Variants in USP40 observed in about 807,000 individuals in gnomAD.
The protein encoded by USP40 is ubiquitin carboxyl-terminal hydrolase 40.
A neutral mutation model predicts 166.2 loss-of-function variants in USP40; 143 were observed. The ratio of observed to expected loss-of-function variants is 0.86; its 90% CI spans 0.75 to 0.99. USP40 has a LOEUF of 0.99. Among genes scored for constraint, USP40 ranks in the 50% least tolerant of loss-of-function variants. The pLI is 0.00. For missense variants in USP40, 1,444 were observed against 1,479.7 expected, an observed-to-expected ratio of 0.98 and a Z score of 0.40; for synonymous variants, 498 against 524.0, an observed-to-expected ratio of 0.95 and a Z score of 0.68.
chr2:233,514,366 G>A (rs1437822548), intron 18 of USP40, among the ~76,000 whole-genome samples: 1 of 152,152 alleles, frequency 6.6e-6, no homozygotes. Flanking sequence ...TCTCATATAA[G>A]ACCAAATAAA....
intron 7 of USP40, 92 bp from the exon 8 acceptor site, chr2:233,549,321 T>C (rs2070313797): frequency 1.2e-6 from 1 of 815,130 alleles, no homozygotes; most frequent in Admixed American, 3.5e-5. Context: ...CTGAAATTAA[T>C]AAGAAACTTC....
chr2:233,499,797 TC>T, intron 22 of USP40, 81 bp downstream of exon 22: 1 of 1,272,854 alleles, frequency 7.9e-7, no homozygotes, highest in Non-Finnish European at 1.1e-6. Flanking sequence ...AATTTTTTTT[TC>T]CTACAACCCT....
chr2:233,514,016 CTT>C (rs746350226), intron 18 of USP40, among the ~76,000 whole-genome samples: 6 of 152,294 alleles, frequency 3.9e-5, no homozygotes, highest in Non-Finnish European at 5.9e-5. Context: ...ACATAAATCT[CTT>C]GTCGACGGAA....
rs79908139 is a variant in USP40 at position 233,560,562 on chromosome 2, C to T, written c.268-638G>A. Among the ~76,000 whole-genome samples, 966 of 152,194 alleles carry T rather than the reference C, an allele frequency of 6.3e-3. 22 individuals are homozygous for T. In the East Asian group the frequency reaches 0.084, roughly 13 times the overall value. ...AACAGATTGGGAATAAAAAGAAATA[C>T]ACAAAAACAGGTCCTTTGCCACACA... On this transcript the variant is annotated intron_variant, in intron 3 of 31. Coordinates refer to ENST00000678225, the MANE Select transcript of USP40 (RefSeq NM_001365479.2).
At chr2:233,565,127 G>C (rs549628635) in intron 2 of USP40, among the ~76,000 whole-genome samples, 1 of 152,058 alleles carries the variant, frequency 6.6e-6, no homozygotes, top group Non-Finnish European at 1.5e-5. Context: ...GAAATATATT[G>C]CTTTATTTTT....
At chr2:233,479,978 C>T (rs1257789652) in intron 31 of USP40, among the ~76,000 whole-genome samples, 1 of 152,170 alleles carries the variant, frequency 6.6e-6, no homozygotes, top group Non-Finnish European at 1.5e-5. Flanking sequence ...CCTCGCTCGG[C>T]TCCCTGATTC....
chr2:233,484,045 G>A (rs2064791816), intron 30 of USP40, among the ~76,000 whole-genome samples: 2 of 152,082 alleles, frequency 1.3e-5, no homozygotes, highest in African/African-American at 4.8e-5. Context: ...TGTCGCCACA[G>A]CTGTGATCAG....
chr2:233,547,711 G>A (rs773772440), intron 8 of USP40, among the ~76,000 whole-genome samples: 1 of 152,096 alleles, frequency 6.6e-6, no homozygotes, highest in Non-Finnish European at 1.5e-5. Context: ...TTCTTTTTTT[G>A]AGAAATATTA....
chr2:233,527,532 G>A lies in USP40; in HGVS notation c.1600C>T (p.Leu534=). The A allele has an allele frequency of 6.2e-7, 1 of 1,612,626 alleles. No individual in the cohort carries two copies. The highest frequency in any genetic ancestry group is 8.5e-7 in the Non-Finnish European group (1 of 1,179,484). ...ANNTFELHLH[L]GPQYHFFNGA... ...TTGAAGAAATGATACTGAGGGCCCAGGTGAAGATGCAATTCAAAAGTATTG... is the reference window on the plus strand; with the variant it reads ...TTGAAGAAATGATACTGAGGGCCCAAGTGAAGATGCAATTCAAAAGTATTG... Residue 534 remains leucine, a synonymous_variant, in exon 13 of 32, where the codon CTG becomes TTG. Transcript: ENST00000678225.
chr2:233,548,815 T>C (rs532230453), intron 8 of USP40, among the ~76,000 whole-genome samples: 1 of 152,270 alleles, frequency 6.6e-6, no homozygotes, highest in African/African-American at 2.4e-5. Context: ...ACGTTAATAA[T>C]GTGTGTCTGT....
At chr2:233,554,173 C>A (rs1295036295) in intron 6 of USP40, among the ~76,000 whole-genome samples, 1 of 151,992 alleles carries the variant, frequency 6.6e-6, no homozygotes. Flanking sequence ...AAGTTTTCCC[C>A]GGAGAAAAGG....
intron 16 of USP40, among the ~76,000 whole-genome samples, chr2:233,521,921 G>A (rs2067684466): frequency 6.6e-6 from 1 of 152,180 alleles, no homozygotes; most frequent in Non-Finnish European, 1.5e-5. Context: ...CTTACTGTGT[G>A]TACTTTGTAA....
chr2:233,537,396 T>C (rs983791589), intron 10 of USP40, among the ~76,000 whole-genome samples: 5 of 151,872 alleles, frequency 3.3e-5, no homozygotes, highest in African/African-American at 1.2e-4. Flanking sequence ...GAAAAAGAAA[T>C]TGAAGAAATA....
Position 233,498,583 on chromosome 2 carries a change from A to G in USP40, c.2680T>C (p.Trp894Arg). ...GDAWHLRKMD[W>R]CYEAGEPLCE... Reference sequence around the variant, plus strand: ...AAAGGCTCTCCAGCTTCATAGCACCAATCCATTTTTCGTAAATGCCAGGCA... The same window carrying G: ...AAAGGCTCTCCAGCTTCATAGCACCGATCCATTTTTCGTAAATGCCAGGCA... The change falls in exon 23 of 32, where the codon TGG becomes CGG. Residue 894 changes from tryptophan to arginine, a missense_variant. Coordinates refer to ENST00000678225, the MANE Select transcript of USP40 (RefSeq NM_001365479.2). 6.2e-7 allele frequency: 1 copy of G among 1,613,478 alleles called. No individual in the cohort carries two copies. The highest frequency in any genetic ancestry group is 8.5e-7 in the Non-Finnish European group (1 of 1,179,618).
intron 31 of USP40, 139 bp downstream of exon 31, chr2:233,481,064 A>G: frequency 1.4e-6 from 1 of 739,688 alleles, no homozygotes; most frequent in Non-Finnish European, 2.2e-6. Context: ...GGGGCGGAGA[A>G]GGACCCGCCA....
chr2:233,560,926 T>C, intron 3 of USP40: 1 of 671,384 alleles, frequency 1.5e-6, no homozygotes, highest in Non-Finnish European at 2.7e-6. Context: ...ATAAGCATAG[T>C]AAAGAGTGTT....
At chr2:233,534,659 T>C (rs1419450118) in intron 10 of USP40, among the ~76,000 whole-genome samples, 1 of 152,088 alleles carries the variant, frequency 6.6e-6, no homozygotes, top group Admixed American at 6.6e-5. Context: ...ATTGTTAACA[T>C]TGTGTATGAG....
intron 25 of USP40, chr2:233,492,794 G>A (rs2065433792): frequency 6.6e-6 from 1 of 152,160 alleles, no homozygotes; most frequent in Admixed American, 6.5e-5. Flanking sequence ...AAAGAGTTGG[G>A]CCTATTAAAA....
At chr2:233,503,776 A>G (rs1477406077) in intron 21 of USP40, among the ~76,000 whole-genome samples, 1 of 152,198 alleles carries the variant, frequency 6.6e-6, no homozygotes, top group Non-Finnish European at 1.5e-5. Flanking sequence ...TTAAGGGAGC[A>G]CTACAACTGG....
Sources: gnomAD v4.1 joint callset for allele counts (sites outside exome capture counted in the v4.1 genomes callset) on GRCh38, gnomAD v4.1.1 for gene constraint, MANE v1.5 for transcripts, NCBI Gene and HGNC (gene_info 2026-07-23, HGNC 2026-07-21) for gene names.